TANGO6: variants seen among roughly 807,000 people sequenced by gnomAD.
TANGO6 encodes the protein transport and golgi organization 6 homolog.
A neutral mutation model predicts 114.2 loss-of-function variants in TANGO6; 90 were observed. The observed-to-expected ratio is 0.79, with a 90% CI of 0.66 to 0.94. The LOEUF is 0.94. TANGO6 is among the 40% of genes least tolerant of loss of function. The pLI is 0.00. For synonymous variants in TANGO6, 477 were observed against 509.8 expected (o/e 0.94, Z 0.87); for missense variants, 1,274 against 1,315.3 (o/e 0.97, Z 0.49).
intron 15 of TANGO6, among the ~76,000 whole-genome samples, chr16:68,991,815 A>G (rs189329909): frequency 1.3e-5 from 2 of 152,102 alleles, no homozygotes; most frequent in Admixed American, 6.5e-5. Flanking sequence ...ACAGAGCAAG[A>G]CTGTCTCGCA....
intron 16 of TANGO6, among the ~76,000 whole-genome samples, chr16:69,031,070 A>G (rs1405810661): frequency 2.6e-5 from 4 of 151,902 alleles, no homozygotes; most frequent in African/African-American, 7.2e-5. Flanking sequence ...ATAAAATTAA[A>G]TTAAATTTTA....
At chr16:68,990,196 C>T (rs994173530) in intron 15 of TANGO6, among the ~76,000 whole-genome samples, 2 of 151,940 alleles carry the variant, frequency 1.3e-5, no homozygotes, top group African/African-American at 2.4e-5. Context: ...TTACACCTGG[C>T]GTATTAGTCT....
At chr16:68,986,894 A>AC (rs1331107106) in intron 15 of TANGO6, among the ~76,000 whole-genome samples, 3 of 151,982 alleles carry the variant, frequency 2.0e-5, no homozygotes, top group African/African-American at 7.3e-5. Context: ...ATAGAGTGAG[A>AC]CCCCTATAAT....
chr16:69,012,433 G>T lies in TANGO6; in HGVS notation c.2843-10395G>T, dbSNP rs909748159. On this transcript the variant is annotated intron_variant, in intron 15 of 17. Transcript: ENST00000261778. Reference sequence around the variant, plus strand: ...TAGCCAGGCATGGTGGCGCATGCCTGTAATCCCAGCTACTCAAGAGGCTGA... The same window carrying T: ...TAGCCAGGCATGGTGGCGCATGCCTTTAATCCCAGCTACTCAAGAGGCTGA... 3.3e-5 allele frequency among the ~76,000 whole-genome samples: 5 copies of T among 151,750 alleles called. No individual in the cohort carries two copies. The East Asian group carries it at 9.7e-4, about 29-fold the overall frequency.
chr16:69,075,184 T>G (rs1417740235), intron 17 of TANGO6, among the ~76,000 whole-genome samples: 1 of 151,892 alleles, frequency 6.6e-6, no homozygotes, highest in Non-Finnish European at 1.5e-5. Flanking sequence ...CTTTTTTTTT[T>G]TTTTTTAAGA....
rs202237980 is a variant in TANGO6 at position 68,867,103 on chromosome 16, A to G, written c.877A>G (p.Met293Val). 6.3e-5 allele frequency: 101 copies of G among 1,612,526 alleles called. No homozygotes were observed. The highest frequency in any genetic ancestry group is 2.4e-5 in the Non-Finnish European group (28 of 1,179,676). The change falls in exon 4 of 18, where the codon ATG becomes GTG. Residue 293 changes from methionine (M) to valine (V), a missense_variant. Physicochemically the swap from Met to Val is conservative, Grantham distance 21. Coordinates refer to ENST00000261778, the MANE Select transcript of TANGO6 (RefSeq NM_024562.2). ...PQSCTDVKTQ[M>V]RCRAPAWLRR... is the part of the protein sequence containing the mutation. ...GTCCTGCACAGATGTGAAGACACAG[A>G]TGAGGTGTCGGGCCCCAGCTTGGCT...
intron 14 of TANGO6, among the ~76,000 whole-genome samples, chr16:68,967,879 A>G (rs1381072601): frequency 6.6e-6 from 1 of 152,128 alleles, no homozygotes; most frequent in Non-Finnish European, 1.5e-5. Flanking sequence ...AGTACTAAGT[A>G]AAAGTACACG....
Position 69,022,820 on chromosome 16 carries a change from T to A in TANGO6, c.2843-8T>A. On this transcript the variant is annotated splice_region_variant and splice_polypyrimidine_tract_variant and intron_variant, in intron 15 of 17. Transcript: ENST00000261778. Reference sequence around the variant, plus strand: ...TAAGGGGTTTTGATTTCTTCCTTTTTCCTATAGGAGACATGGTCTCAAAGT... The same window carrying A: ...TAAGGGGTTTTGATTTCTTCCTTTTACCTATAGGAGACATGGTCTCAAAGT... 6.4e-7 allele frequency: 1 copy of A among 1,565,816 alleles called. No individual in the cohort carries two copies.
At chr16:69,057,869 C>T (rs1960057446) in intron 17 of TANGO6, among the ~76,000 whole-genome samples, 1 of 152,162 alleles carries the variant, frequency 6.6e-6, no homozygotes, top group African/African-American at 2.4e-5. Flanking sequence ...CTTTACCCTT[C>T]CTCATGCTCC....
chr16:68,981,188 A>G (rs1963832348), intron 15 of TANGO6, among the ~76,000 whole-genome samples: 1 of 138,010 alleles, frequency 7.2e-6, no homozygotes, highest in Non-Finnish European at 1.6e-5. Context: ...GTTACATGTC[A>G]TTGCATTTCT....
chr16:69,025,735 T>G (rs1352432152), intron 16 of TANGO6: 1 of 153,338 alleles, frequency 6.5e-6, no homozygotes, highest in Non-Finnish European at 1.4e-5. Flanking sequence ...CCTGTAGATA[T>G]CACTGGGATT....
chr16:69,022,976 T>G lies in TANGO6; in HGVS notation c.2991T>G (p.His997Gln), dbSNP rs371227675. 17 of 1,582,064 alleles carry G rather than the reference T, an allele frequency of 1.1e-5. No individual in the cohort carries two copies. The African/African-American group carries it at 2.1e-4, about 19-fold the overall frequency. Residue 997 changes from histidine (H) to glutamine (Q), a missense_variant, in exon 16 of 18, where the codon CAT (histidine) becomes CAG (glutamine). His to Gln is a conservative substitution (Grantham distance 24). Transcript: ENST00000261778. The part of the protein sequence containing the change: ...RLDFLLGSVV[H>Q]EVTACLIAVA... ...ACTTTCTGCTGGGCTCCGTGGTCCA[T>G]GAGGTACTGTATTTTGATTCCTTTC...
At chr16:68,855,028 A>G (rs572552286) in intron 1 of TANGO6, among the ~76,000 whole-genome samples, 33 of 150,884 alleles carry the variant, frequency 2.2e-4, no homozygotes, top group African/African-American at 8.0e-4. Context: ...TTTCCAAGAC[A>G]GAGTCTTGCT....
At chr16:68,843,841 G>T (rs377470807) in intron 1 of TANGO6, 130 bp downstream of exon 1, 7 of 834,442 alleles carry the variant, frequency 8.4e-6, no homozygotes, top group Admixed American at 2.4e-5. Context: ...GCTGCTGGGG[G>T]CTTTGAGCAT....
At chr16:69,081,914 A>G (rs959390380) in intron 17 of TANGO6, among the ~76,000 whole-genome samples, 11 of 151,718 alleles carry the variant, frequency 7.3e-5, no homozygotes, top group South Asian at 4.2e-4. Flanking sequence ...GCTCACTGCA[A>G]CCTCCGCCTC....
At chr16:68,956,428 C>T (rs1963530625) in intron 14 of TANGO6, among the ~76,000 whole-genome samples, 1 of 152,070 alleles carries the variant, frequency 6.6e-6, no homozygotes, top group Non-Finnish European at 1.5e-5. Flanking sequence ...AGAAGGCCCT[C>T]CAACATTAAG....
intron 6 of TANGO6, 124 bp from the exon 7 acceptor site, chr16:68,880,424 C>T: frequency 1.7e-6 from 1 of 580,108 alleles, no homozygotes; most frequent in Non-Finnish European, 3.0e-6. Context: ...TCAATGATAA[C>T]CATTTTCTGA....
intron 14 of TANGO6, among the ~76,000 whole-genome samples, chr16:68,939,763 A>G (rs1225605620): frequency 3.9e-5 from 6 of 152,136 alleles, no homozygotes; most frequent in Admixed American, 3.9e-4. Flanking sequence ...ACACGTACAT[A>G]TTTTCAGATT....
chr16:69,068,561 G>T (rs1411566426), intron 17 of TANGO6, among the ~76,000 whole-genome samples: 1 of 152,168 alleles, frequency 6.6e-6, no homozygotes. Context: ...ATTCTTCAAA[G>T]ATTTACTGCA....
Sources: gnomAD v4.1 joint callset for allele counts (sites outside exome capture counted in the v4.1 genomes callset) on GRCh38, gnomAD v4.1.1 for gene constraint, MANE v1.5 for transcripts, NCBI Gene and HGNC (gene_info 2026-07-23, HGNC 2026-07-21) for gene names.